The following NEGR1 variants were observed in gnomAD, a reference collection of about 807,000 sequenced individuals.
The protein encoded by NEGR1 is IgLON family member 4.
Under a neutral mutation model 40.9 loss-of-function variants are expected in NEGR1, and 10 were observed. That is an observed-to-expected ratio of 0.24 (90% CI 0.15 to 0.42). NEGR1 has a LOEUF of 0.42. NEGR1 is among the 10% of genes least tolerant of loss of function. NEGR1 has a pLI of 1.00. For synonymous variants in NEGR1, 185 were observed against 166.8 expected (o/e 1.11, Z -0.84); for missense variants, 352 against 438.9 (o/e 0.80, Z 1.77).
chr1:71,673,744 T>A (rs565184076), intron 4 of NEGR1, among the ~76,000 whole-genome samples: 1 of 152,254 alleles, frequency 6.6e-6, no homozygotes, highest in African/African-American at 2.4e-5. Flanking sequence ...ATCAAATCAA[T>A]GCTTATAGTA....
chr1:71,860,268 T>G (rs943841927), intron 2 of NEGR1, among the ~76,000 whole-genome samples: 4 of 152,014 alleles, frequency 2.6e-5, no homozygotes, highest in Admixed American at 2.6e-4. Context: ...TTGCTTGTTT[T>G]ATAGCATTTC....
intron 3 of NEGR1, among the ~76,000 whole-genome samples, chr1:71,743,657 G>A (rs144982482): frequency 1.3e-5 from 2 of 152,192 alleles, no homozygotes; most frequent in African/African-American, 4.8e-5. Flanking sequence ...ATAACCTTCA[G>A]CAGCATCTCC....
At chr1:71,899,334 G>A (rs1661083689) in intron 2 of NEGR1, among the ~76,000 whole-genome samples, 1 of 151,960 alleles carries the variant, frequency 6.6e-6, no homozygotes, top group African/African-American at 2.4e-5. Flanking sequence ...GGAAGGGTAT[G>A]GAGGATGATC....
intron 1 of NEGR1, among the ~76,000 whole-genome samples, chr1:72,089,608 G>T (rs1329626225): frequency 6.6e-6 from 1 of 151,982 alleles, no homozygotes; most frequent in East Asian, 1.9e-4. Context: ...TTTGATTTCT[G>T]GGTCAAATCA....
At chr1:71,524,175 G>A (rs141100318) in intron 6 of NEGR1, among the ~76,000 whole-genome samples, 37 of 151,794 alleles carry the variant, frequency 2.4e-4, no homozygotes, top group African/African-American at 8.4e-4. Flanking sequence ...TTATTAGACC[G>A]AAAGTCATTA....
At chr1:72,076,801 C>T (rs542937968) in intron 1 of NEGR1, among the ~76,000 whole-genome samples, 1 of 150,358 alleles carries the variant, frequency 6.7e-6, no homozygotes, top group South Asian at 2.1e-4. Flanking sequence ...CATTATATAA[C>T]AAAGTTTGTC....
At chr1:71,750,256 G>A (rs919758741) in intron 3 of NEGR1, among the ~76,000 whole-genome samples, 8 of 151,862 alleles carry the variant, frequency 5.3e-5, no homozygotes, top group African/African-American at 1.9e-4. Flanking sequence ...GCCTCCCAAA[G>A]TGCTGGGATT....
chr1:72,127,975 G>C (rs1023713637), intron 1 of NEGR1, among the ~76,000 whole-genome samples: 3 of 152,136 alleles, frequency 2.0e-5, no homozygotes, highest in African/African-American at 7.2e-5. Context: ...AAGAAGATAT[G>C]AGAATACACA....
intron 6 of NEGR1, among the ~76,000 whole-genome samples, chr1:71,446,441 G>A (rs1183501870): frequency 1.3e-5 from 2 of 152,062 alleles, no homozygotes; most frequent in Admixed American, 6.5e-5. Context: ...ATTTTGAGTA[G>A]GTAAGATGAA....
chr1:71,815,019 T>C (rs1485336643), intron 2 of NEGR1, among the ~76,000 whole-genome samples: 1 of 152,098 alleles, frequency 6.6e-6, no homozygotes, highest in Non-Finnish European at 1.5e-5. Context: ...TTGAGATCTT[T>C]CTAGCTTTTT....
chr1:71,475,843 T>C (rs925158244), intron 6 of NEGR1, among the ~76,000 whole-genome samples: 7 of 152,092 alleles, frequency 4.6e-5, no homozygotes, highest in African/African-American at 1.7e-4. Flanking sequence ...ATTCTAATAA[T>C]TTAATGCTAA....
intron 6 of NEGR1, among the ~76,000 whole-genome samples, chr1:71,437,885 C>CAAAG (rs58378746): frequency 0.05 from 7,607 of 152,160 alleles, 398 homozygotes; most frequent in African/African-American, 0.13. Context: ...ATTTTCAAGT[C>CAAAG]GAAGGAGAGC....
intron 1 of NEGR1, among the ~76,000 whole-genome samples, chr1:72,218,930 C>A (rs1653918522): frequency 6.6e-6 from 1 of 151,952 alleles, no homozygotes; most frequent in South Asian, 2.1e-4. Flanking sequence ...TTGTAATGAC[C>A]ACTGAATTCA....
intron 6 of NEGR1, among the ~76,000 whole-genome samples, chr1:71,507,416 G>A (rs938303651): frequency 6.6e-6 from 1 of 152,178 alleles, no homozygotes; most frequent in African/African-American, 2.4e-5. Context: ...GGAGTCATTA[G>A]GGACCCCAGG....
intron 1 of NEGR1, among the ~76,000 whole-genome samples, chr1:72,024,676 C>G (rs1310118325): frequency 1.3e-5 from 2 of 152,138 alleles, no homozygotes; most frequent in Admixed American, 6.5e-5. Flanking sequence ...ATACAAAAAG[C>G]CTTTTCCAGA....
intron 4 of NEGR1, among the ~76,000 whole-genome samples, chr1:71,696,350 C>A (rs1229652085): frequency 1.3e-5 from 2 of 151,580 alleles, no homozygotes; most frequent in Non-Finnish European, 1.5e-5. Flanking sequence ...AGTATAGGTC[C>A]CATGCAAATC....
chr1:72,034,856 T>TC (rs1024222265), intron 1 of NEGR1, among the ~76,000 whole-genome samples: 31 of 152,190 alleles, frequency 2.0e-4, no homozygotes, highest in African/African-American at 7.0e-4. Flanking sequence ...AACCATTTTT[T>TC]CGCTAACAGG....
chr1:72,190,638 T>A (rs1652787735), intron 1 of NEGR1, among the ~76,000 whole-genome samples: 1 of 151,608 alleles, frequency 6.6e-6, no homozygotes, highest in South Asian at 2.1e-4. Flanking sequence ...TGTTTCTATT[T>A]ATTAATATAT....
chr1:71,613,044 G>GT (rs925751296), intron 4 of NEGR1, among the ~76,000 whole-genome samples: 3 of 152,112 alleles, frequency 2.0e-5, no homozygotes, highest in East Asian at 1.9e-4. Context: ...AAATCTGATT[G>GT]TTTTTTTGAA....
Sources: allele counts gnomAD v4.1 joint callset (sites outside exome capture counted in the v4.1 genomes callset), GRCh38; gene constraint gnomAD v4.1.1; transcripts MANE v1.5; gene names NCBI Gene and HGNC (gene_info 2026-07-23, HGNC 2026-07-21).